The following NF2 variants were observed in gnomAD, a reference collection of about 807,000 sequenced individuals.
The protein encoded by NF2 is NF2, moesin-ezrin-radixin like (MERLIN) tumor suppressor, also known as merlin.
NF2 carries 8 observed loss-of-function variants against 83.7 expected under a neutral mutation model. The observed-to-expected ratio is 0.10, with a 90% confidence interval of 0.06 to 0.17. The LOEUF is 0.17. NF2 is among the 10% of genes least tolerant of loss of function. The pLI is 1.00. For synonymous variants in NF2, 266 were observed against 269.6 expected, an observed-to-expected ratio of 0.99 and a Z score of 0.13; for missense variants, 533 against 744.4, an observed-to-expected ratio of 0.72 and a Z score of 3.31.
rs117554797 is a variant in NF2 at position 29,616,931 on chromosome 22, G to T, written c.114+12819G>T. On this transcript the variant is annotated intron_variant, in intron 1 of 15. Transcript: ENST00000338641. ...ATAAGGAAAGGGATTTTAGTTTTTT[G>T]GGGGTTTTTTTTTTTGAGACGGAGT... Among the ~76,000 whole-genome samples, 637 of 151,534 alleles carry T rather than the reference G, an allele frequency of 4.2e-3. 10 individuals carry two copies. In the Middle Eastern group the frequency reaches 0.045, roughly 11 times the overall value.
At chr22:29,606,253 G>A (rs892011715) in intron 1 of NF2, among the ~76,000 whole-genome samples, 1 of 152,118 alleles carries the variant, frequency 6.6e-6, no homozygotes. Context: ...TGTGCCCTGC[G>A]AAAAGTTGGA....
intron 1 of NF2, among the ~76,000 whole-genome samples, chr22:29,619,637 T>G (rs184857989): frequency 6.6e-6 from 1 of 150,762 alleles, no homozygotes; most frequent in East Asian, 2.0e-4. Flanking sequence ...CCTCATGATC[T>G]GCCTGGCTCG....
chr22:29,619,326 C>T (rs2857635), intron 1 of NF2, among the ~76,000 whole-genome samples: 132,316 of 152,034 alleles, frequency 0.87, 57,632 homozygotes, highest in East Asian at 0.95. Flanking sequence ...ATTACAGGCA[C>T]GAGCCACTAC....
chr22:29,651,225 C>T (rs887255824), intron 4 of NF2, among the ~76,000 whole-genome samples: 1 of 152,096 alleles, frequency 6.6e-6, no homozygotes, highest in Non-Finnish European at 1.5e-5. Flanking sequence ...TCTCATTTCT[C>T]ATAGTTATAG....
intron 4 of NF2, 63 bp downstream of exon 4, chr22:29,642,348 T>C: frequency 7.6e-7 from 1 of 1,309,868 alleles, no homozygotes; most frequent in Non-Finnish European, 1.1e-6. Context: ...GGATCACTCC[T>C]ATCTTCTCTT....
At chr22:29,644,024 C>T (rs555281623) in intron 4 of NF2, among the ~76,000 whole-genome samples, 9 of 150,954 alleles carry the variant, frequency 6.0e-5, no homozygotes, top group South Asian at 2.1e-4. Flanking sequence ...GGGGGCTGAC[C>T]CCCCCACCTC....
At position 29,647,035 on chromosome 22, in the gene NF2, CA is replaced by C. The variant is rs67597134; in HGVS notation, c.447+4767del. Among the ~76,000 whole-genome samples the C allele has an allele frequency of 3.0e-3, 345 of 116,928 alleles. 1 individual carries two copies. Among genetic ancestry groups the C allele is most frequent in the African/African-American group, 5.9e-3 (178 of 30,268 alleles). The allele number at this position is 116,928 out of a possible 152,430, so 76.7% of individuals were successfully genotyped here. A position where few individuals can be genotyped will look rare whatever the true frequency, so the allele number is the denominator to read the frequency against. Reference sequence around the variant, plus strand: ...TGGGTGACAAAGTGAGACTCCATCTCAAAAAAAAAAAAAAAAATGTAGTCAG... The same window carrying C: ...TGGGTGACAAAGTGAGACTCCATCTCAAAAAAAAAAAAAAAATGTAGTCAG... On this transcript the variant is annotated intron_variant, in intron 4 of 15. Transcript: ENST00000338641.
At position 29,674,899 on chromosome 22, in the gene NF2, C is replaced by G. The variant is rs1392815186; in HGVS notation, c.1404C>G (p.Ala468=). Residue 468 remains alanine, a synonymous_variant, in exon 13 of 16, where the codon GCC becomes GCG. Transcript: ENST00000338641. ...AAGCACGCGAGGCGGAGCGAAGAGC[C>G]AAGCAGAAGCTCCTGGAGATTGCCA... ...LQEAREAERR[A]KQKLLEIATK... 1 of 1,574,450 alleles carries G rather than the reference C, an allele frequency of 6.4e-7. No individual in the cohort carries two copies. The highest frequency in any genetic ancestry group is 8.6e-7 in the Non-Finnish European group (1 of 1,159,108).
intron 10 of NF2, among the ~76,000 whole-genome samples, chr22:29,670,158 C>G (rs1381955164): frequency 6.6e-6 from 1 of 152,022 alleles, no homozygotes; most frequent in African/African-American, 2.4e-5. Flanking sequence ...GCTACCACAC[C>G]TAGTTAATTT....
intron 1 of NF2, chr22:29,609,553 A>C (rs531669492): frequency 4.3e-6 from 1 of 230,198 alleles, no homozygotes; most frequent in African/African-American, 2.3e-5. Context: ...TTTTACTGGA[A>C]AACAGGAATA....
chr22:29,691,741 C>A (rs556077303), intron 15 of NF2, among the ~76,000 whole-genome samples: 13 of 152,224 alleles, frequency 8.5e-5, no homozygotes, highest in Non-Finnish European at 1.8e-4. Flanking sequence ...CCAGGCAGGG[C>A]GTGCAGGTGG....
intron 1 of NF2, among the ~76,000 whole-genome samples, chr22:29,625,429 C>G (rs967748663): frequency 2.0e-5 from 3 of 152,008 alleles, no homozygotes; most frequent in African/African-American, 7.3e-5. Flanking sequence ...CATTCCTGTC[C>G]AAGAACATTT....
chr22:29,617,685 C>A (rs1301301111), intron 1 of NF2, among the ~76,000 whole-genome samples: 1 of 152,188 alleles, frequency 6.6e-6, no homozygotes, highest in African/African-American at 2.4e-5. Context: ...TTTAATTTTA[C>A]ATAAATGACC....
chr22:29,604,707 T>A (rs2064740284), intron 1 of NF2, among the ~76,000 whole-genome samples: 1 of 152,206 alleles, frequency 6.6e-6, no homozygotes, highest in African/African-American at 2.4e-5. Context: ...TCACAGCCCG[T>A]ACAGTACTGC....
intron 1 of NF2, chr22:29,609,494 T>C (rs1274513808): frequency 3.5e-6 from 1 of 288,070 alleles, no homozygotes; most frequent in Non-Finnish European, 7.1e-6. Flanking sequence ...AAAGATTCTC[T>C]TGATTGATGA....
In NF2 at chr22:29,698,551, C is replaced by T. The variant is rs1193207147; in HGVS notation, c.*3749C>T. 2 of 191,176 alleles carry T rather than the reference C, an allele frequency of 1.0e-5. No homozygotes were observed. Among genetic ancestry groups the T allele is most frequent in the Non-Finnish European group, 1.1e-5 (1 of 91,186 alleles). 11.8% of individuals were successfully genotyped at this position (191,176 alleles called of 1,614,324 possible). The stretch of plus-strand genomic sequence containing the variant: ...GAAGGCTATTTTCTATTCTGGGGAA[C>T]GATTATAACTTAAATGATTGTTTTA... On this transcript the variant is annotated 3_prime_UTR_variant, in exon 16 of 16. Transcript: ENST00000338641.
chr22:29,680,570 A>G (rs1569311122), intron 14 of NF2, among the ~76,000 whole-genome samples: 2 of 152,182 alleles, frequency 1.3e-5, no homozygotes. Context: ...CATGCCTTGT[A>G]GTTGGACACT....
rs1262730779 is a variant in NF2, at chr22:29,694,572, A to G, written c.1738-180A>G. On this transcript the variant is annotated intron_variant, in intron 15 of 15. Coordinates refer to ENST00000338641, the MANE Select transcript of NF2 (RefSeq NM_000268.4). The surrounding 1 kb of genome is among the most constrained non-coding windows in gnomAD (Gnocchi z 4.1). ...CCTCATTTGTCACCTCCTAATTTGA[A>G]TTATTGGGCAAATCTGGCCGCTTAT... 6.6e-6 allele frequency among the ~76,000 whole-genome samples: 1 copy of G among 152,124 alleles called. No individual in the cohort carries two copies. Among genetic ancestry groups the G allele is most frequent in the Non-Finnish European group, 1.5e-5 (1 of 68,016 alleles).
intron 10 of NF2, among the ~76,000 whole-genome samples, chr22:29,671,122 A>G (rs963884070): frequency 6.6e-6 from 1 of 152,130 alleles, no homozygotes; most frequent in Non-Finnish European, 1.5e-5. Flanking sequence ...CTGGGGCTCT[A>G]TCTGAGGGAG....
Sources: gnomAD v4.1 joint callset for allele counts (sites outside exome capture counted in the v4.1 genomes callset) on GRCh38, gnomAD v4.1.1 for gene constraint, Gnocchi (gnomAD v3.1) non-coding constraint, MANE v1.5 for transcripts, NCBI Gene and HGNC (gene_info 2026-07-23, HGNC 2026-07-21) for gene names.